PIP: variants seen among roughly 807,000 people sequenced by gnomAD.
The protein encoded by PIP is prolactin induced protein.
PIP carries 9 observed loss-of-function variants against 12.8 expected under a neutral mutation model. The ratio of observed to expected loss-of-function variants is 0.70; its 90% CI spans 0.42 to 1.23. PIP has a LOEUF of 1.23. PIP is among the 50% of genes most tolerant of loss of function. The probability of loss-of-function intolerance (pLI) is 0.00; values close to 1 mark genes in which losing one functional copy is unlikely to be tolerated. For missense variants in PIP, 172 were observed against 179.5 expected (o/e 0.96, Z 0.24); for synonymous variants, 60 against 66.1 (o/e 0.91, Z 0.45).
In PIP at chr7:143,132,195, A is replaced by C; in HGVS notation, c.79A>C (p.Lys27Gln). ...LVLCLQLGAN[K>Q]AQDNTRKIII... ...TCTCTGCCTGCAGTTGGGGGCCAACAAAGCTCAGGACAACACGTGAGCCAT... is the reference window on the plus strand; with the variant it reads ...TCTCTGCCTGCAGTTGGGGGCCAACCAAGCTCAGGACAACACGTGAGCCAT... The change falls in exon 1 of 4, where the codon AAA becomes CAA. Residue 27 changes from lysine to glutamine, a missense_variant. Coordinates refer to ENST00000291009, the MANE Select transcript of PIP (RefSeq NM_002652.3). 6.2e-7 allele frequency: 1 copy of C among 1,613,658 alleles called. No homozygotes were observed. The highest frequency in any genetic ancestry group is 8.5e-7 in the Non-Finnish European group (1 of 1,179,622).
chr7:143,132,911 G>C (rs1011154661), intron 1 of PIP, among the ~76,000 whole-genome samples: 2 of 152,038 alleles, frequency 1.3e-5, no homozygotes, highest in Non-Finnish European at 2.9e-5. Context: ...TTTCTCTATA[G>C]CAGTAGGGTT....
intron 1 of PIP, among the ~76,000 whole-genome samples, chr7:143,133,827 T>C (rs1309703522): frequency 2.0e-5 from 3 of 151,872 alleles, no homozygotes; most frequent in Admixed American, 2.0e-4. Flanking sequence ...TATTATTTTA[T>C]TTTATTTTTC....
At chr7:143,138,028 G>A (rs530002451) in intron 2 of PIP, among the ~76,000 whole-genome samples, 4 of 152,018 alleles carry the variant, frequency 2.6e-5, no homozygotes, top group East Asian at 1.9e-4. Context: ...AGGTCTGAAC[G>A]GCTACTTGAT....
chr7:143,133,042 C>G (rs1563015563), intron 1 of PIP, among the ~76,000 whole-genome samples: 1 of 151,898 alleles, frequency 6.6e-6, no homozygotes, highest in Non-Finnish European at 1.5e-5. Context: ...GCAAGTGTCC[C>G]AAGAAACCCT....
chr7:143,132,856 G>T (rs1799258094), intron 1 of PIP, among the ~76,000 whole-genome samples: 1 of 152,096 alleles, frequency 6.6e-6, no homozygotes, highest in Non-Finnish European at 1.5e-5. Context: ...GTAGAAAATG[G>T]AGCCAAGGGT....
intron 2 of PIP, among the ~76,000 whole-genome samples, chr7:143,136,901 T>TG (rs1363339547): frequency 6.6e-6 from 1 of 151,952 alleles, no homozygotes; most frequent in East Asian, 1.9e-4. Context: ...AAGGAAATTT[T>TG]GTTAATTCTA....
In PIP at chr7:143,139,537, C is replaced by T. The variant is rs367785031; in HGVS notation, c.336C>T (p.Ala112=). The T allele has an allele frequency of 4.3e-6, 7 of 1,613,114 alleles. No individual in the cohort carries two copies. The highest frequency in any genetic ancestry group is 3.4e-6 in the Non-Finnish European group (4 of 1,179,262). Residue 112 remains alanine (A), a synonymous_variant, in exon 4 of 4, where the codon GCC becomes GCT. Coordinates refer to ENST00000291009, the MANE Select transcript of PIP (RefSeq NM_002652.3). ...TTTCAGGAACTGTGCAAATTGCAGC[C>T]GTCGTTGATGTTATTCGGGAATTAG... ...FYTNRTVQIA[A]VVDVIRELGI... is the part of the protein sequence containing the mutation.
rs1277832613 is a variant in PIP at position 143,134,233 on chromosome 7, T to TATATATAA, written c.96-960_96-959insTATATAAA. Reference sequence around the variant, plus strand: ...ATATATATATATATATATATATATATACCACAGTTTCTTTATCCACTCGTT... The same window carrying TATATATAA: ...ATATATATATATATATATATATATATATATATAAACCACAGTTTCTTTATCCACTCGTT... On this transcript the variant is annotated intron_variant, in intron 1 of 3. Transcript: ENST00000291009. Among the ~76,000 whole-genome samples the TATATATAA allele has an allele frequency of 4.2e-4, 36 of 86,380 alleles. 1 individual carries two copies. The highest frequency in any genetic ancestry group is 1.7e-3 in the African/African-American group (36 of 21,542). The allele number at this position is 86,380 out of a possible 152,430, so 56.7% of individuals were successfully genotyped here. A position where few individuals can be genotyped will look rare whatever the true frequency, so the allele number is the denominator to read the frequency against.
Position 143,139,739 on chromosome 7 carries a change from C to G in PIP, c.*97C>G. The G allele has an allele frequency of 8.5e-7, 1 of 1,183,200 alleles. No individual in the cohort carries two copies. The highest frequency in any genetic ancestry group is 1.2e-6 in the Non-Finnish European group (1 of 820,390). The allele number at this position is 1,183,200 out of a possible 1,614,324, so 73.3% of individuals were successfully genotyped here. A position where few individuals can be genotyped will look rare whatever the true frequency, so the allele number is the denominator to read the frequency against. ...TCTATAAAATAAACTTCTTAACATG[C>G]TTCTCCATGTTCTGTTGTATCTCCA... On this transcript the variant is annotated 3_prime_UTR_variant, in exon 4 of 4. Coordinates refer to ENST00000291009, the MANE Select transcript of PIP (RefSeq NM_002652.3).
chr7:143,139,407 G>T, intron 3 of PIP, 111 bp from the exon 4 acceptor site: 8 of 1,405,034 alleles, frequency 5.7e-6, no homozygotes, highest in Non-Finnish European at 6.9e-6. Context: ...AGACAAATTT[G>T]CAAAGGATTT....
chr7:143,137,937 GTCT>G (rs1799327537), intron 2 of PIP, among the ~76,000 whole-genome samples: 4 of 151,684 alleles, frequency 2.6e-5, no homozygotes, highest in Non-Finnish European at 4.4e-5. Context: ...GGCACAGGTA[GTCT>G]TCTCCAAAGA....
chr7:143,132,335 TC>T, intron 1 of PIP, 124 bp downstream of exon 1: 13 of 1,071,214 alleles, frequency 1.2e-5, no homozygotes, highest in Non-Finnish European at 1.8e-5. Flanking sequence ...TCCCAGGAGC[TC>T]CCATGGATCT....
intron 2 of PIP, among the ~76,000 whole-genome samples, chr7:143,135,816 G>A (rs956130437): frequency 6.6e-6 from 1 of 151,986 alleles, no homozygotes; most frequent in African/African-American, 2.4e-5. Context: ...TCTTGTTCCA[G>A]CCTCCCCACC....
intron 1 of PIP, among the ~76,000 whole-genome samples, chr7:143,133,767 T>C (rs1353114672): frequency 6.6e-6 from 1 of 152,016 alleles, no homozygotes; most frequent in African/African-American, 2.4e-5. Context: ...AAGATGCTCC[T>C]ACAAATACCT....
intron 2 of PIP, among the ~76,000 whole-genome samples, chr7:143,138,764 A>G (rs978856252): frequency 5.3e-5 from 8 of 152,128 alleles, no homozygotes; most frequent in African/African-American, 1.9e-4. Context: ...GCTGGTGACT[A>G]AGGCAAGCCT....
intron 2 of PIP, among the ~76,000 whole-genome samples, chr7:143,136,433 A>G (rs1799310712): frequency 6.6e-6 from 1 of 152,090 alleles, no homozygotes; most frequent in African/African-American, 2.4e-5. Flanking sequence ...AAATATCCCC[A>G]CACCTGTAAA....
At position 143,139,152 on chromosome 7, in the gene PIP, C is replaced by G; in HGVS notation, c.279C>G (p.Asp93Glu). 1 of 1,603,050 alleles carries G rather than the reference C, an allele frequency of 6.2e-7. No individual in the cohort carries two copies. The highest frequency in any genetic ancestry group is 1.1e-5 in the South Asian group (1 of 90,978). ...AGTATACTGCCTGCCTATGTGACGA[C>G]AATCCAAAAACCTTCTACTGGGACT... ...NYKYTACLCDDNPKTFYWDFY... is the reference protein window; with the variant it reads ...NYKYTACLCDENPKTFYWDFY... Residue 93 changes from aspartate (D) to glutamate (E), a missense_variant, in exon 3 of 4, where the codon GAC (aspartate) becomes GAG (glutamate). Coordinates refer to ENST00000291009, the MANE Select transcript of PIP (RefSeq NM_002652.3).
At chr7:143,137,831 C>T (rs1799325760) in intron 2 of PIP, among the ~76,000 whole-genome samples, 4 of 150,690 alleles carry the variant, frequency 2.7e-5, no homozygotes, top group Admixed American at 6.7e-5. Context: ...ACCTGGGAGG[C>T]GGAGGTTGCA....
Position 143,137,491 on chromosome 7 carries a change from G to C in PIP, c.202-1584G>C, listed in dbSNP as rs1304066641. On this transcript the variant is annotated intron_variant, in intron 2 of 3. Transcript: ENST00000291009. ...TTGAAGAAGTACATTAAACTGCACT[G>C]GTCTTTGGCAACACGTCCCACGTGC... is the stretch of plus-strand genomic sequence containing the variant. Among the ~76,000 whole-genome samples, 2 of 152,110 alleles carry C rather than the reference G, an allele frequency of 1.3e-5. 1 individual carries two copies. Among genetic ancestry groups the C allele is most frequent in the Non-Finnish European group, 2.9e-5 (2 of 67,998 alleles).
Sources: gnomAD v4.1 joint callset for allele counts (sites outside exome capture counted in the v4.1 genomes callset) on GRCh38, gnomAD v4.1.1 for gene constraint, MANE v1.5 for transcripts, NCBI Gene and HGNC (gene_info 2026-07-23, HGNC 2026-07-21) for gene names.